NHLRC2: variants seen among roughly 807,000 people sequenced by gnomAD.
NHLRC2 encodes the protein NHL repeat containing 2.
Under a neutral mutation model 68.1 loss-of-function variants are expected in NHLRC2, and 33 were observed. The ratio of observed to expected loss-of-function variants is 0.48; its 90% CI spans 0.37 to 0.65. NHLRC2 has a LOEUF of 0.65. Among genes scored for constraint, NHLRC2 ranks in the 30% least tolerant of loss-of-function variants. NHLRC2 has a pLI of 0.00. For missense variants in NHLRC2, 761 were observed against 853.8 expected (o/e 0.89, Z 1.35); for synonymous variants, 311 against 309.6 (o/e 1.00, Z -0.05).
At chr10:113,871,224 A>G (rs1022752467) in intron 2 of NHLRC2, among the ~76,000 whole-genome samples, 1 of 151,984 alleles carries the variant, frequency 6.6e-6, no homozygotes, top group Non-Finnish European at 1.5e-5. Flanking sequence ...GAGTTTCTCC[A>G]TGTTGGTCAG....
chr10:113,898,029 A>T, intron 5 of NHLRC2, 81 bp from the exon 6 acceptor site: 1 of 695,800 alleles, frequency 1.4e-6, no homozygotes, highest in Non-Finnish European at 2.3e-6. Context: ...GTTATCCTCC[A>T]TAAATTTAAC....
At chr10:113,871,271 GC>G (rs1334665899) in intron 2 of NHLRC2, among the ~76,000 whole-genome samples, 1 of 152,076 alleles carries the variant, frequency 6.6e-6, no homozygotes, top group East Asian at 1.9e-4. Flanking sequence ...TGATCAGCCA[GC>G]CTCGGCCTCC....
Position 113,898,223 on chromosome 10 carries a change from T to TA in NHLRC2, c.1139+14_1139+15insA. The TA allele has an allele frequency of 1.9e-6, 3 of 1,554,150 alleles. No individual in the cohort carries two copies. Among genetic ancestry groups the TA allele is most frequent in the South Asian group, 1.1e-5 (1 of 89,760 alleles). ...GCCAAAGAAAAAGTAAGTGACAGCC[T>TA]CTCTCTTTGAGTAGACTGTACTACT... is the stretch of plus-strand genomic sequence containing the variant. On this transcript the variant is annotated intron_variant, in intron 6 of 10. Coordinates refer to ENST00000369301, the MANE Select transcript of NHLRC2 (RefSeq NM_198514.4).
chr10:113,869,237 G>A (rs1050272058), intron 2 of NHLRC2, among the ~76,000 whole-genome samples: 22 of 152,178 alleles, frequency 1.4e-4, no homozygotes, highest in Non-Finnish European at 5.9e-5. Context: ...GATGATGAGA[G>A]TGGGCTGATT....
chr10:113,871,274 T>C (rs1845922669), intron 2 of NHLRC2, among the ~76,000 whole-genome samples: 1 of 152,174 alleles, frequency 6.6e-6, no homozygotes, highest in Non-Finnish European at 1.5e-5. Context: ...TCAGCCAGCC[T>C]CGGCCTCCCA....
Position 113,884,475 on chromosome 10 carries a change from GTTATT to G in NHLRC2, c.1039+105_1039+109del, listed in dbSNP as rs1846064173. On this transcript the variant is annotated intron_variant, in intron 5 of 10. Transcript: ENST00000369301. The stretch of plus-strand genomic sequence containing the variant: ...GGTGGTCATTTGGATTCCATTACTA[GTTATT>G]TTATTTTATACTTTTATACCTATGC... The G allele has an allele frequency of 4.0e-6, 4 of 1,003,600 alleles. No individual in the cohort carries two copies. In the East Asian group the frequency reaches 8.4e-5, roughly 21 times the overall value. The allele number at this position is 1,003,600 out of a possible 1,614,324, so 62.2% of individuals were successfully genotyped here.
rs1030877157 is a variant in NHLRC2 at position 113,908,851 on chromosome 10, A to G, written c.*315A>G. 8.7e-6 allele frequency: 2 copies of G among 231,038 alleles called. No homozygotes were observed. Among genetic ancestry groups the G allele is most frequent in the African/African-American group, 4.5e-5 (2 of 44,320 alleles). 14.3% of individuals were successfully genotyped at this position (231,038 alleles called of 1,614,324 possible). A position where few individuals can be genotyped will look rare whatever the true frequency, so the allele number is the denominator to read the frequency against. ...AGAATACTATAAGATAATTTGCAAT[A>G]AATACTGATAATAATAATACCAGAT... On this transcript the variant is annotated 3_prime_UTR_variant, in exon 11 of 11. Transcript: ENST00000369301.
intron 2 of NHLRC2, 90 bp from the exon 3 acceptor site, chr10:113,876,431 T>C: frequency 1.4e-6 from 1 of 724,258 alleles, no homozygotes; most frequent in South Asian, 2.3e-5. Flanking sequence ...TATGGACTTT[T>C]AATATTTGTG....
intron 3 of NHLRC2, among the ~76,000 whole-genome samples, chr10:113,877,323 T>TAGAA (rs1394558326): frequency 1.3e-5 from 2 of 152,050 alleles, no homozygotes; most frequent in African/African-American, 4.8e-5. Flanking sequence ...ATGTTTTAAG[T>TAGAA]AGAAGTATTA....
rs80105841 is a variant in NHLRC2 at position 113,869,909 on chromosome 10, G to A, written c.332-6612G>A. On this transcript the variant is annotated intron_variant, in intron 2 of 10. Coordinates refer to ENST00000369301, the MANE Select transcript of NHLRC2 (RefSeq NM_198514.4). The stretch of plus-strand genomic sequence containing the variant: ...TGTGATCTTTTGGTATTTCTTTGTC[G>A]TTTTTTGAGCCCTTCCTTACTAAAT... 5.5e-3 allele frequency among the ~76,000 whole-genome samples: 842 copies of A among 152,032 alleles called. 10 individuals carry two copies. The highest frequency in any genetic ancestry group is 0.019 in the African/African-American group (798 of 41,484).
At chr10:113,861,174 T>C (rs1392157709) in intron 2 of NHLRC2, among the ~76,000 whole-genome samples, 1 of 151,944 alleles carries the variant, frequency 6.6e-6, no homozygotes, top group East Asian at 1.9e-4. Flanking sequence ...GAACAGAGAT[T>C]GAGGAAGAGA....
intron 10 of NHLRC2, among the ~76,000 whole-genome samples, chr10:113,906,212 C>T (rs1846273829): frequency 1.3e-5 from 2 of 152,122 alleles, no homozygotes; most frequent in African/African-American, 4.8e-5. Context: ...AGGATATTGA[C>T]AGATTAACAT....
intron 5 of NHLRC2, among the ~76,000 whole-genome samples, chr10:113,892,290 G>A (rs1846140101): frequency 6.6e-6 from 1 of 152,086 alleles, no homozygotes; most frequent in Non-Finnish European, 1.5e-5. Flanking sequence ...ATAATTATGA[G>A]TGAGTTTTGC....
chr10:113,876,820 A>G lies in NHLRC2; in HGVS notation c.631A>G (p.Ile211Val), dbSNP rs746615566. The change falls in exon 3 of 11, where the codon ATA becomes GTA. Residue 211 changes from isoleucine (I) to valine (V), a missense_variant. Ile to Val is a conservative substitution (Grantham distance 29). Transcript: ENST00000369301. ...GCAGATCAGAGATAATAAAATTGGA[A>G]TAAAACTCTATAAAGATTCTTTGCC... ...RGQIRDNKIG[I>V]KLYKDSLPPS... The G allele has an allele frequency of 1.9e-6, 3 of 1,613,032 alleles. No individual in the cohort carries two copies. Among genetic ancestry groups the G allele is most frequent in the Admixed American group, 3.3e-5 (2 of 59,956 alleles).
At chr10:113,862,409 A>G (rs1342000131) in intron 2 of NHLRC2, among the ~76,000 whole-genome samples, 2 of 151,932 alleles carry the variant, frequency 1.3e-5, no homozygotes, top group Non-Finnish European at 1.5e-5. Context: ...ACAAAAAAAA[A>G]GAAAGAAAGA....
intron 2 of NHLRC2, among the ~76,000 whole-genome samples, chr10:113,869,944 T>A (rs1845906941): frequency 6.6e-6 from 1 of 152,166 alleles, no homozygotes; most frequent in African/African-American, 2.4e-5. Flanking sequence ...TACACCAAAA[T>A]ATTTCCATAT....
chr10:113,917,089 A>G lies in NHLRC2; in HGVS notation c.*8553A>G, dbSNP rs901120266. 8 of 152,230 alleles carry G rather than the reference A, an allele frequency of 5.3e-5. No homozygotes were observed. Among genetic ancestry groups the G allele is most frequent in the South Asian group, 2.1e-4 (1 of 4,834 alleles). The allele number at this position is 152,230 out of a possible 1,614,324, so 9.4% of individuals were successfully genotyped here. A position where few individuals can be genotyped will look rare whatever the true frequency, so the allele number is the denominator to read the frequency against. ...AAAGAGAAGTGTAATACAAGTGATC[A>G]TAGAAGGTGAGAATGTGTTTATACT... On this transcript the variant is annotated 3_prime_UTR_variant, in exon 11 of 11. Transcript: ENST00000369301.
In NHLRC2 at chr10:113,884,500, C is replaced by G. The variant is rs1185193437; in HGVS notation, c.1039+120C>G. On this transcript the variant is annotated intron_variant, in intron 5 of 10. Transcript: ENST00000369301. ...GTTATTTTATTTTATACTTTTATAC[C>G]TATGCCTCAGAGTTTGTTAATTGTG... 11 of 693,856 alleles carry G rather than the reference C, an allele frequency of 1.6e-5. No homozygotes were observed. The East Asian group carries it at 3.6e-4, about 23-fold the overall frequency. 43.0% of individuals were successfully genotyped at this position (693,856 alleles called of 1,614,324 possible). A position where few individuals can be genotyped will look rare whatever the true frequency, so the allele number is the denominator to read the frequency against.
chr10:113,885,149 GC>G (rs1307825857), intron 5 of NHLRC2, among the ~76,000 whole-genome samples: 1 of 151,732 alleles, frequency 6.6e-6, no homozygotes, highest in Admixed American at 6.6e-5. Context: ...TAGTTGAAAA[GC>G]TTTACATTTG....
Sources: gnomAD v4.1 joint callset for allele counts (sites outside exome capture counted in the v4.1 genomes callset) on GRCh38, gnomAD v4.1.1 for gene constraint, MANE v1.5 for transcripts, NCBI Gene and HGNC (gene_info 2026-07-23, HGNC 2026-07-21) for gene names.